CDON: variants seen among roughly 807,000 people sequenced by gnomAD.
CDON encodes the protein cell adhesion associated, oncogene regulated.
CDON carries 73 observed loss-of-function variants against 120.9 expected under a neutral mutation model. That is an observed-to-expected ratio of 0.60 (90% CI 0.50 to 0.73). The LOEUF is 0.73. Among genes scored for constraint, CDON ranks in the 30% least tolerant of loss-of-function variants. CDON has a pLI of 0.00. For missense variants in CDON, 1,470 were observed against 1,587.3 expected (o/e 0.93, Z 1.26); for synonymous variants, 566 against 573.5 (o/e 0.99, Z 0.19).
chr11:125,959,497 C>T lies in CDON; in HGVS notation c.*1445G>A, dbSNP rs989575229. 4.6e-5 allele frequency: 7 copies of T among 151,798 alleles called. No individual in the cohort carries two copies. The highest frequency in any genetic ancestry group is 6.6e-5 in the Admixed American group (1 of 15,238). The allele number at this position is 151,798 out of a possible 1,614,324, so 9.4% of individuals were successfully genotyped here. The stretch of plus-strand genomic sequence containing the variant: ...AATGTCCTTGTCACGCAGAGGCAGC[C>T]GTGGTCAGGAGCTCTGCTGACCAAC... On this transcript the variant is annotated 3_prime_UTR_variant, in exon 20 of 20. Coordinates refer to ENST00000531738, the MANE Select transcript of CDON (RefSeq NM_001378964.1).
rs150756134 is a variant in CDON at position 126,000,705 on chromosome 11, A to G, written c.2158+1014T>C. 3.4e-3 allele frequency among the ~76,000 whole-genome samples: 525 copies of G among 152,326 alleles called. 1 individual carries two copies. Among genetic ancestry groups the G allele is most frequent in the Non-Finnish European group, 6.0e-3 (411 of 68,028 alleles). On this transcript the variant is annotated intron_variant, in intron 11 of 19. Transcript: ENST00000531738. ...AGCTGAAACGTGCCTCAAAGATAAGAGCACTCAAGTAAAAGAGATTCATGA... is the reference window on the plus strand; with the variant it reads ...AGCTGAAACGTGCCTCAAAGATAAGGGCACTCAAGTAAAAGAGATTCATGA...
rs12364394 is a variant in CDON, at chr11:125,970,209, T to A, written c.3356+8095A>T. 6.8e-3 allele frequency among the ~76,000 whole-genome samples: 963 copies of A among 142,438 alleles called. 8 individuals carry two copies. Among genetic ancestry groups the A allele is most frequent in the Non-Finnish European group, 0.011 (695 of 65,816 alleles). 93.4% of individuals were successfully genotyped at this position (142,438 alleles called of 152,430 possible). On this transcript the variant is annotated intron_variant, in intron 18 of 19. Transcript: ENST00000531738. ...TTTTTTTTTTGAGACAGAGTCTTGC[T>A]CTGTCGCCAGGCTGGAGTGCAGTGG... is the stretch of plus-strand genomic sequence containing the variant.
At chr11:126,015,926 G>A (rs1197834501) in intron 6 of CDON, among the ~76,000 whole-genome samples, 3 of 152,114 alleles carry the variant, frequency 2.0e-5, no homozygotes, top group Non-Finnish European at 2.9e-5. Context: ...TTATGTTTAC[G>A]GTCAATTCAA....
At chr11:125,978,268 T>C (rs374563301) in intron 18 of CDON, 36 bp downstream of exon 18, 87 of 1,212,968 alleles carry the variant, frequency 7.2e-5, no homozygotes, top group Non-Finnish European at 1.0e-4. Flanking sequence ...ATATGCCTTA[T>C]TCACAACAGC....
At chr11:126,042,893 G>C (rs190861552) in intron 1 of CDON, among the ~76,000 whole-genome samples, 211 of 152,338 alleles carry the variant, frequency 1.4e-3, no homozygotes, top group African/African-American at 4.7e-3. Flanking sequence ...AAAGTGCTAG[G>C]ATTACAGGCG....
intron 2 of CDON, among the ~76,000 whole-genome samples, chr11:126,023,165 T>C (rs1469910446): frequency 6.6e-6 from 1 of 151,754 alleles, no homozygotes; most frequent in Admixed American, 6.6e-5. Flanking sequence ...TTTTAAAAAA[T>C]GAAAGGGATA....
intron 18 of CDON, among the ~76,000 whole-genome samples, chr11:125,966,483 C>T (rs1267794433): frequency 2.0e-5 from 3 of 151,998 alleles, no homozygotes; most frequent in East Asian, 3.9e-4. Context: ...GAGGAGGCAC[C>T]GTATGGCGAA....
rs140340913 is a variant in CDON at position 126,035,874 on chromosome 11, G to A, written c.-61-12337C>T. The stretch of plus-strand genomic sequence containing the variant: ...AGTTTTAGTCCAAGCAGAAAAGCCC[G>A]AGAAGTGGCCTTTGGCATCAGGTCC... On this transcript the variant is annotated intron_variant, in intron 1 of 19. Transcript: ENST00000531738. Among the ~76,000 whole-genome samples, 266 of 152,158 alleles carry A rather than the reference G, an allele frequency of 1.7e-3. 2 individuals are homozygous for A. The highest frequency in any genetic ancestry group is 0.015 in the East Asian group (79 of 5,164).
At chr11:126,035,155 C>T (rs1472375386) in intron 1 of CDON, among the ~76,000 whole-genome samples, 3 of 152,162 alleles carry the variant, frequency 2.0e-5, no homozygotes, top group African/African-American at 4.8e-5. Context: ...GCTTAGATTC[C>T]ATTTTAATAA....
At chr11:126,047,551 C>G (rs1043803065) in intron 1 of CDON, among the ~76,000 whole-genome samples, 1 of 152,208 alleles carries the variant, frequency 6.6e-6, no homozygotes, top group Non-Finnish European at 1.5e-5. Context: ...AACAGAACAA[C>G]AGAACAGCAA....
intron 1 of CDON, among the ~76,000 whole-genome samples, chr11:126,045,036 T>C (rs73021227): frequency 3.5e-5 from 5 of 142,818 alleles, no homozygotes; most frequent in Non-Finnish European, 6.2e-5. Context: ...AATATATATA[T>C]AGAGAGAGAG....
At chr11:125,999,436 G>A (rs757259279) in intron 11 of CDON, among the ~76,000 whole-genome samples, 6 of 152,184 alleles carry the variant, frequency 3.9e-5, no homozygotes, top group Non-Finnish European at 5.9e-5. Flanking sequence ...CTGAGGCATC[G>A]TGCATGGTTA....
At position 125,995,814 on chromosome 11, in the gene CDON, C is replaced by T. The variant is rs372951749; in HGVS notation, c.2363-762G>A. ...TTCTCCCAACTATACCTACATGATC[C>T]TATGCTGCGCATGTTGCTTGTTTTG... On this transcript the variant is annotated intron_variant, in intron 12 of 19. Transcript: ENST00000531738. Among the ~76,000 whole-genome samples the T allele has an allele frequency of 1.1e-4, 17 of 152,364 alleles. No homozygotes were observed. The East Asian group carries it at 3.1e-3, about 28-fold the overall frequency.
chr11:125,969,420 A>C (rs1945897526), intron 18 of CDON, among the ~76,000 whole-genome samples: 1 of 152,256 alleles, frequency 6.6e-6, no homozygotes, highest in Non-Finnish European at 1.5e-5. Context: ...GTAAATAAGA[A>C]AACAGGACAA....
Position 126,034,250 on chromosome 11 carries a change from G to A in CDON, c.-61-10713C>T, listed in dbSNP as rs948208088. Among the ~76,000 whole-genome samples, 2 of 152,118 alleles carry A rather than the reference G, an allele frequency of 1.3e-5. No homozygotes were observed. Among genetic ancestry groups the A allele is most frequent in the Admixed American group, 6.5e-5 (1 of 15,274 alleles). ...GCCTGCGAAAGCATTTCCTTTCACC[G>A]TGGACTGCCAAAAGTAGAGGAAGAA... On this transcript the variant is annotated intron_variant, in intron 1 of 19. Transcript: ENST00000531738. This position sits in a 1 kb window ranked among gnomAD's most constrained non-coding sequence, Gnocchi z 4.5.
At chr11:126,042,826 T>C (rs780993461) in intron 1 of CDON, among the ~76,000 whole-genome samples, 8 of 152,180 alleles carry the variant, frequency 5.3e-5, no homozygotes, top group African/African-American at 9.7e-5. Flanking sequence ...TTTCACCGTG[T>C]TGCGAAGGCT....
intron 18 of CDON, among the ~76,000 whole-genome samples, chr11:125,964,743 A>T (rs952172784): frequency 6.6e-6 from 1 of 152,200 alleles, no homozygotes; most frequent in Non-Finnish European, 1.5e-5. Context: ...TGCACGTTCT[A>T]GCCAGAGACC....
rs577786221 is a variant in CDON at position 126,049,195 on chromosome 11, A to G, written c.-62+13384T>C. Among the ~76,000 whole-genome samples the G allele has an allele frequency of 3.9e-5, 6 of 152,370 alleles. No individual in the cohort carries two copies. The East Asian group carries it at 1.2e-3, about 29-fold the overall frequency. On this transcript the variant is annotated intron_variant, in intron 1 of 19. Transcript: ENST00000531738. ...TACTGGGCATTTAGAGATCTGAACA[A>G]GTAGTCTTTCTTGTTCAATTTTTCT...
intron 19 of CDON, 120 bp downstream of exon 19, chr11:125,961,604 T>A: frequency 7.2e-7 from 1 of 1,380,660 alleles, no homozygotes. Flanking sequence ...CCACCCAGTC[T>A]CCCAAGAAAT....
Sources: gnomAD v4.1 joint callset for allele counts (sites outside exome capture counted in the v4.1 genomes callset) on GRCh38, gnomAD v4.1.1 for gene constraint, Gnocchi (gnomAD v3.1) non-coding constraint, MANE v1.5 for transcripts, NCBI Gene and HGNC (gene_info 2026-07-23, HGNC 2026-07-21) for gene names.